The following CTBP2 variants were observed in gnomAD, a reference collection of about 807,000 sequenced individuals.
The protein encoded by CTBP2 is C-terminal-binding protein 2.
CTBP2 carries 30 observed loss-of-function variants against 80.3 expected under a neutral mutation model. That is an observed-to-expected ratio of 0.37 (90% confidence interval 0.28 to 0.51). CTBP2 has a LOEUF of 0.51. Ranked by LOEUF, CTBP2 falls within the 20% of genes least tolerant of loss-of-function variation. The pLI is 0.93. For missense variants in CTBP2, 1,212 were observed against 1,375.3 expected (o/e 0.88, Z 1.88); for synonymous variants, 594 against 587.4 (o/e 1.01, Z -0.16).
Position 125,018,778 on chromosome 10 carries a change from G to A in CTBP2, c.1678+7304C>T, listed in dbSNP as rs146584689. Among the ~76,000 whole-genome samples, 13 of 152,352 alleles carry A rather than the reference G, an allele frequency of 8.5e-5. No homozygotes were observed. The East Asian group carries it at 1.4e-3, about 16-fold the overall frequency. On this transcript the variant is annotated intron_variant, in intron 1 of 8. Transcript: ENST00000309035. ...ATATCTAGCTGGTATTGCAGGACGC[G>A]CTCCCCGCCAACGCCACTGGCATCC...
chr10:125,061,013 G>C (rs1964871330), intron 2 of CTBP2, among the ~76,000 whole-genome samples: 1 of 152,204 alleles, frequency 6.6e-6, no homozygotes, highest in Non-Finnish European at 1.5e-5. Flanking sequence ...GCCCCTGCTA[G>C]ATCCCGGCTC....
chr10:125,064,165 G>GCT (rs1844276360), intron 2 of CTBP2, among the ~76,000 whole-genome samples: 1 of 152,206 alleles, frequency 6.6e-6, no homozygotes, highest in African/African-American at 2.4e-5. Flanking sequence ...ATACCTCAGG[G>GCT]AACACCATAG....
Position 125,116,409 on chromosome 10 carries a change from G to C in CTBP2, c.-205-5316C>G, listed in dbSNP as rs576067941. On this transcript the variant is annotated intron_variant, in intron 1 of 10. Transcript: ENST00000337195. ...CTTCTCAAAATGGGCCCGTCACATG[G>C]GTACCCAGGAAATGTCCCACCCTTC... is the stretch of plus-strand genomic sequence containing the variant. 7.9e-5 allele frequency among the ~76,000 whole-genome samples: 12 copies of C among 152,212 alleles called. No individual in the cohort carries two copies. In the East Asian group the frequency reaches 1.6e-3, roughly 20 times the overall value.
chr10:125,147,915 C>A (rs1472375845), intron 1 of CTBP2, among the ~76,000 whole-genome samples: 3 of 152,014 alleles, frequency 2.0e-5, no homozygotes, highest in Non-Finnish European at 4.4e-5. Context: ...AAAAAAAATT[C>A]TAACAAACAC....
chr10:125,043,495 G>A (rs1960417290), intron 2 of CTBP2, among the ~76,000 whole-genome samples: 1 of 151,940 alleles, frequency 6.6e-6, no homozygotes, highest in Non-Finnish European at 1.5e-5. Flanking sequence ...GGAGTGCAGG[G>A]GCGCAATCTG....
At chr10:125,037,926 C>G (rs983679237) in intron 3 of CTBP2, among the ~76,000 whole-genome samples, 1 of 152,186 alleles carries the variant, frequency 6.6e-6, no homozygotes, top group Non-Finnish European at 1.5e-5. Flanking sequence ...ATCTGGAAAA[C>G]TGAATGGAAT....
At chr10:124,996,190 GCC>G (rs11321696) in intron 4 of CTBP2, 1 of 149,626 alleles carries the variant, frequency 6.7e-6, no homozygotes, top group Non-Finnish European at 1.5e-5. Context: ...CCGTCACAGC[GCC>G]CCCCCCGGCC....
rs1373212522 is a variant in CTBP2 at position 124,988,646 on chromosome 10, G to GTGT, written c.*869_*871dup. ...ATCAGTCACATCTAATACATCTGAA[G>GTGT]TGTTCTTGTATAAAATATCACGTGA... On this transcript the variant is annotated 3_prime_UTR_variant, in exon 9 of 9. Transcript: ENST00000309035. The GTGT allele has an allele frequency of 1.4e-5, 2 of 146,698 alleles. No homozygotes were observed. Among genetic ancestry groups the GTGT allele is most frequent in the Admixed American group, 6.8e-5 (1 of 14,662 alleles). 9.1% of individuals were successfully genotyped at this position (146,698 alleles called of 1,614,324 possible).
At chr10:125,129,710 G>A (rs1261574860) in intron 1 of CTBP2, among the ~76,000 whole-genome samples, 2 of 152,268 alleles carry the variant, frequency 1.3e-5, no homozygotes, top group Non-Finnish European at 1.5e-5. Context: ...ATTTTATTCA[G>A]AGCGATTCAC....
At chr10:125,098,369 T>A (rs972240368) in intron 2 of CTBP2, among the ~76,000 whole-genome samples, 1 of 152,080 alleles carries the variant, frequency 6.6e-6, no homozygotes, top group Non-Finnish European at 1.5e-5. Context: ...GACACCCACA[T>A]ACACTAGCCC....
intron 4 of CTBP2, chr10:124,997,712 T>C (rs1354016603): frequency 2.3e-5 from 13 of 554,214 alleles, no homozygotes; most frequent in Non-Finnish European, 4.2e-5. Flanking sequence ...CAGCAAAGAA[T>C]GCTGTCCTGC....
intron 1 of CTBP2, among the ~76,000 whole-genome samples, chr10:125,146,255 G>T (rs1483392843): frequency 6.7e-6 from 1 of 149,840 alleles, no homozygotes; most frequent in South Asian, 2.1e-4. Context: ...TTATAGGTGT[G>T]AGCCACCATG....
intron 2 of CTBP2, among the ~76,000 whole-genome samples, chr10:125,067,997 T>TCTAC (rs1308107311): frequency 6.6e-6 from 1 of 152,166 alleles, no homozygotes; most frequent in Non-Finnish European, 1.5e-5. Flanking sequence ...TGCCACAGGA[T>TCTAC]CTACCTGCCC....
chr10:125,141,616 A>G (rs1449036170), intron 1 of CTBP2, among the ~76,000 whole-genome samples: 1 of 152,114 alleles, frequency 6.6e-6, no homozygotes, highest in African/African-American at 2.4e-5. Flanking sequence ...AGCACACAGT[A>G]AGCACATGGC....
intron 2 of CTBP2, among the ~76,000 whole-genome samples, chr10:125,053,400 C>T (rs79426882): frequency 0.01 from 1,583 of 152,338 alleles, 26 homozygotes; most frequent in African/African-American, 0.036. Flanking sequence ...AGGTCTTTTG[C>T]AGTCCAGATT....
At position 124,988,532 on chromosome 10, in the gene CTBP2, C is replaced by T. The variant is rs1305026955; in HGVS notation, c.*986G>A. The T allele has an allele frequency of 6.6e-6, 1 of 152,530 alleles. No individual in the cohort carries two copies. The highest frequency in any genetic ancestry group is 1.5e-5 in the Non-Finnish European group (1 of 68,020). The allele number at this position is 152,530 out of a possible 1,614,324, so 9.4% of individuals were successfully genotyped here. A position where few individuals can be genotyped will look rare whatever the true frequency, so the allele number is the denominator to read the frequency against. The stretch of plus-strand genomic sequence containing the variant: ...ACCTATACAAAGGCTCAAAATAGGC[C>T]ATCTTTTTAAACAAAAAGGCAATGA... On this transcript the variant is annotated 3_prime_UTR_variant, in exon 9 of 9. Transcript: ENST00000309035.
chr10:125,123,633 T>G (rs1854712834), intron 1 of CTBP2, among the ~76,000 whole-genome samples: 1 of 152,244 alleles, frequency 6.6e-6, no homozygotes, highest in Admixed American at 6.5e-5. Flanking sequence ...GAGCTGGCCC[T>G]GTTGACACTG....
chr10:125,150,984 C>T (rs1007541881), intron 1 of CTBP2, among the ~76,000 whole-genome samples: 7 of 151,370 alleles, frequency 4.6e-5, no homozygotes, highest in Non-Finnish European at 8.8e-5. Flanking sequence ...GCGCTGTCCT[C>T]GCAGAGGCAC....
Position 124,986,303 on chromosome 10 carries a change from A to ACG in CTBP2, c.*3214_*3215insCG, listed in dbSNP as rs1952041336. 5.6e-5 allele frequency: 5 copies of ACG among 89,200 alleles called. No individual in the cohort carries two copies. Among genetic ancestry groups the ACG allele is most frequent in the Non-Finnish European group, 1.1e-4 (4 of 38,034 alleles). The allele number at this position is 89,200 out of a possible 1,614,324, so 5.5% of individuals were successfully genotyped here. On this transcript the variant is annotated 3_prime_UTR_variant, in exon 9 of 9. Coordinates refer to ENST00000309035, the MANE Select transcript of CTBP2 (RefSeq NM_022802.3). ...CACGCGCGCGCGCGCACACACACAC[A>ACG]CACACACACACACACACACAGTTTT...
Sources: allele counts gnomAD v4.1 joint callset (sites outside exome capture counted in the v4.1 genomes callset), GRCh38; gene constraint gnomAD v4.1.1; transcripts MANE v1.5; gene names NCBI Gene and HGNC (gene_info 2026-07-23, HGNC 2026-07-21).